Variants in GPATCH2 observed in about 807,000 individuals in gnomAD.
GPATCH2 encodes the protein G patch domain-containing protein 2.
A neutral mutation model predicts 58.0 loss-of-function variants in GPATCH2; 51 were observed. The ratio of observed to expected loss-of-function variants is 0.88; its 90% CI spans 0.70 to 1.11. The LOEUF is 1.11. Ranked by LOEUF, GPATCH2 falls within the 50% of genes most tolerant of loss-of-function variation. The pLI, the probability that GPATCH2 is intolerant of heterozygous loss-of-function variation, is 0.00. For missense variants in GPATCH2, 625 were observed against 652.2 expected, an observed-to-expected ratio of 0.96 and a Z score of 0.45; for synonymous variants, 222 against 218.5, an observed-to-expected ratio of 1.02 and a Z score of -0.14.
At chr1:217,581,333 A>C (rs1667073223) in intron 5 of GPATCH2, among the ~76,000 whole-genome samples, 1 of 152,252 alleles carries the variant, frequency 6.6e-6, no homozygotes, top group Non-Finnish European at 1.5e-5. Context: ...ACAAGACCTT[A>C]CAAGAAAAGG....
At chr1:217,467,990 C>T (rs913183478) in intron 8 of GPATCH2, among the ~76,000 whole-genome samples, 2 of 152,150 alleles carry the variant, frequency 1.3e-5, no homozygotes, top group Non-Finnish European at 2.9e-5. Context: ...AACTAATGGA[C>T]GAAACATATC....
At chr1:217,601,514 C>T (rs972093293) in intron 5 of GPATCH2, among the ~76,000 whole-genome samples, 8 of 151,994 alleles carry the variant, frequency 5.3e-5, no homozygotes, top group African/African-American at 1.7e-4. Context: ...CCTATCCATA[C>T]TGACATTTAA....
intron 6 of GPATCH2, among the ~76,000 whole-genome samples, chr1:217,509,135 T>A (rs927954415): frequency 6.6e-6 from 1 of 151,354 alleles, no homozygotes; most frequent in Non-Finnish European, 1.5e-5. Flanking sequence ...AGGTCAGGAG[T>A]TCAAGACCAG....
At position 217,494,447 on chromosome 1, in the gene GPATCH2, G is replaced by A. The variant is rs558409795; in HGVS notation, c.1207-2697C>T. 5.3e-5 allele frequency among the ~76,000 whole-genome samples: 8 copies of A among 152,298 alleles called. No homozygotes were observed. In the South Asian group the frequency reaches 1.7e-3, roughly 32 times the overall value. On this transcript the variant is annotated intron_variant, in intron 7 of 9. Transcript: ENST00000366935. ...CTTGAACAACATGTATTTGCATTTA[G>A]AAGGCTCCTGGCCAGGTGCAGTGGC...
At chr1:217,531,058 C>T (rs185588442) in intron 5 of GPATCH2, among the ~76,000 whole-genome samples, 5 of 114,708 alleles carry the variant, frequency 4.4e-5, no homozygotes, top group East Asian at 6.9e-4. Flanking sequence ...CACACACACA[C>T]ACACACACAC....
At chr1:217,464,545 T>C (rs182334624) in intron 8 of GPATCH2, among the ~76,000 whole-genome samples, 125 of 152,280 alleles carry the variant, frequency 8.2e-4, no homozygotes, top group African/African-American at 3.0e-3. Context: ...AGTTGGATCA[T>C]ATAAATTCTT....
At chr1:217,612,977 A>G (rs968023692) in intron 3 of GPATCH2, among the ~76,000 whole-genome samples, 1 of 152,274 alleles carries the variant, frequency 6.6e-6, no homozygotes, top group East Asian at 1.9e-4. Flanking sequence ...ATATCATTCT[A>G]AGCCTTTCCA....
intron 1 of GPATCH2, among the ~76,000 whole-genome samples, chr1:217,623,566 A>G (rs928264590): frequency 2.0e-5 from 3 of 152,114 alleles, no homozygotes; most frequent in African/African-American, 7.2e-5. Flanking sequence ...AAACTGTGTC[A>G]GCCTTATTTG....
intron 5 of GPATCH2, among the ~76,000 whole-genome samples, chr1:217,523,625 T>TC (rs1200796001): frequency 1.3e-5 from 2 of 151,184 alleles, no homozygotes; most frequent in Non-Finnish European, 2.9e-5. Context: ...TCCCCACCTT[T>TC]CCCCCCTTTC....
chr1:217,444,332 G>C (rs1399340076), intron 9 of GPATCH2, among the ~76,000 whole-genome samples: 1 of 152,136 alleles, frequency 6.6e-6, no homozygotes, highest in Non-Finnish European at 1.5e-5. Flanking sequence ...CATGCCTTAG[G>C]TTTTTGAGCT....
In GPATCH2 at chr1:217,472,679, G is replaced by C. The variant is rs550201964; in HGVS notation, c.1277+19001C>G. On this transcript the variant is annotated intron_variant, in intron 8 of 9. Coordinates refer to ENST00000366935, the MANE Select transcript of GPATCH2 (RefSeq NM_018040.5). Reference sequence around the variant, plus strand: ...AGGTTTCTGACATGAGAAACAATGTGACATTATTTAGCTGTAGCTCTAAAA... The same window carrying C: ...AGGTTTCTGACATGAGAAACAATGTCACATTATTTAGCTGTAGCTCTAAAA... Among the ~76,000 whole-genome samples, 5 of 152,288 alleles carry C rather than the reference G, an allele frequency of 3.3e-5. No homozygotes were observed. In the South Asian group the frequency reaches 8.3e-4, roughly 25 times the overall value.
intron 8 of GPATCH2, among the ~76,000 whole-genome samples, chr1:217,480,484 G>T (rs370932839): frequency 2.0e-5 from 3 of 152,174 alleles, no homozygotes; most frequent in African/African-American, 7.2e-5. Flanking sequence ...TCCAAATGAG[G>T]TAATAACGAA....
intron 5 of GPATCH2, among the ~76,000 whole-genome samples, chr1:217,520,551 T>C (rs926778868): frequency 3.9e-5 from 6 of 152,218 alleles, no homozygotes; most frequent in African/African-American, 1.4e-4. Flanking sequence ...AACTAGGACC[T>C]ATATAGTATC....
chr1:217,476,034 G>A (rs1361703254), intron 8 of GPATCH2, among the ~76,000 whole-genome samples: 1 of 151,998 alleles, frequency 6.6e-6, no homozygotes, highest in Non-Finnish European at 1.5e-5. Flanking sequence ...AAAACTAACT[G>A]AGAGGTGTTT....
chr1:217,479,779 T>C (rs1661134486), intron 8 of GPATCH2, among the ~76,000 whole-genome samples: 1 of 152,020 alleles, frequency 6.6e-6, no homozygotes, highest in African/African-American at 2.4e-5. Flanking sequence ...ACACTTTACC[T>C]GTAAAGACAC....
At chr1:217,492,659 C>T (rs1339677482) in intron 7 of GPATCH2, 1 of 152,236 alleles carries the variant, frequency 6.6e-6, no homozygotes, top group East Asian at 1.9e-4. Flanking sequence ...TAACTTTAGG[C>T]AAAGTACTTA....
intron 2 of GPATCH2, among the ~76,000 whole-genome samples, chr1:217,617,843 T>A (rs568649571): frequency 6.6e-6 from 1 of 152,302 alleles, no homozygotes; most frequent in Admixed American, 6.5e-5. Flanking sequence ...AGGTAGCCTG[T>A]TCATGCCTAG....
At chr1:217,547,143 C>T (rs1382476783) in intron 5 of GPATCH2, among the ~76,000 whole-genome samples, 1 of 152,100 alleles carries the variant, frequency 6.6e-6, no homozygotes, top group Admixed American at 6.6e-5. Context: ...GCAGGCAGAT[C>T]ACGAGGTCAG....
chr1:217,554,427 A>G (rs572107756), intron 5 of GPATCH2, among the ~76,000 whole-genome samples: 4 of 152,316 alleles, frequency 2.6e-5, no homozygotes, highest in Admixed American at 6.5e-5. Context: ...TAATAACACT[A>G]CATTGCCTGG....
Sources: gnomAD v4.1 joint callset for allele counts (sites outside exome capture counted in the v4.1 genomes callset) on GRCh38, gnomAD v4.1.1 for gene constraint, MANE v1.5 for transcripts, NCBI Gene and HGNC (gene_info 2026-07-23, HGNC 2026-07-21) for gene names.